UTP4: variants seen among roughly 807,000 people sequenced by gnomAD.
UTP4 encodes the protein UTP4 small subunit processome component.
UTP4 carries 45 observed loss-of-function variants against 82.4 expected under a neutral mutation model. The ratio of observed to expected loss-of-function variants is 0.55; its 90% CI spans 0.43 to 0.70. The LOEUF is 0.70. UTP4 is among the 30% of genes least tolerant of loss of function. The pLI, the probability that UTP4 is intolerant of heterozygous loss-of-function variation, is 0.00. For synonymous variants in UTP4, 348 were observed against 300.3 expected (o/e 1.16, Z -1.64); for missense variants, 819 against 858.3 (o/e 0.95, Z 0.57).
In UTP4 at chr16:69,141,171, C is replaced by T. The variant is rs77725086; in HGVS notation, c.526+1257C>T. 7.6e-3 allele frequency among the ~76,000 whole-genome samples: 1,164 copies of T among 152,276 alleles called. 17 individuals are homozygous for T. Among genetic ancestry groups the T allele is most frequent in the African/African-American group, 0.025 (1,047 of 41,542 alleles). On this transcript the variant is annotated intron_variant, in intron 5 of 16. Coordinates refer to ENST00000314423, the MANE Select transcript of UTP4 (RefSeq NM_032830.3). ...TAAGTCCCTCCCGGTGCCTTCTGAC[C>T]CACTCCCATCTGGCTTAGCCACTCT...
intron 7 of UTP4, 28 bp downstream of exon 7, chr16:69,150,736 G>C (rs1228769192): frequency 6.2e-7 from 1 of 1,614,138 alleles, no homozygotes; most frequent in African/African-American, 1.3e-5. Flanking sequence ...TGAGGCTGCT[G>C]CTTTACCCTG....
At chr16:69,146,710 A>G (rs1963117755) in intron 6 of UTP4, among the ~76,000 whole-genome samples, 1 of 149,676 alleles carries the variant, frequency 6.7e-6, no homozygotes, top group African/African-American at 2.5e-5. Flanking sequence ...AAAATACAAA[A>G]ATTAAGCCGG....
intron 6 of UTP4, among the ~76,000 whole-genome samples, chr16:69,145,363 C>T (rs999643550): frequency 2.6e-4 from 40 of 151,868 alleles, no homozygotes; most frequent in African/African-American, 9.6e-4. Context: ...TGGGTTCAAG[C>T]GATTCTCCTG....
chr16:69,152,260 A>G (rs1047266340), intron 8 of UTP4, among the ~76,000 whole-genome samples: 1 of 150,852 alleles, frequency 6.6e-6, no homozygotes, highest in Non-Finnish European at 1.5e-5. Flanking sequence ...ATTCTAGCCT[A>G]TTCTTCATTG....
chr16:69,156,997 AAT>A (rs1276987472), intron 11 of UTP4, 85 bp from the exon 12 acceptor site: 25 of 1,403,726 alleles, frequency 1.8e-5, no homozygotes, highest in Non-Finnish European at 1.7e-5. Flanking sequence ...AGGAAGCATT[AAT>A]GTACCTTAAG....
intron 11 of UTP4, 128 bp downstream of exon 11, chr16:69,156,121 G>A (rs974759172): frequency 1.1e-6 from 1 of 939,518 alleles, no homozygotes; most frequent in African/African-American, 1.7e-5. Flanking sequence ...TTTGGAGAAG[G>A]CTGTTATGAA....
chr16:69,146,192 T>TA (rs373053170), intron 6 of UTP4, among the ~76,000 whole-genome samples: 23 of 152,238 alleles, frequency 1.5e-4, no homozygotes, highest in Admixed American at 7.9e-4. Flanking sequence ...TAAACTATTT[T>TA]AAAAGTGTAC....
At chr16:69,161,899 C>T (rs554670548) in intron 13 of UTP4, among the ~76,000 whole-genome samples, 3 of 151,720 alleles carry the variant, frequency 2.0e-5, no homozygotes, top group African/African-American at 7.3e-5. Flanking sequence ...TGGACTCAAG[C>T]GTTCCTCCCG....
At chr16:69,159,258 C>T (rs1388035306) in intron 12 of UTP4, among the ~76,000 whole-genome samples, 1 of 151,726 alleles carries the variant, frequency 6.6e-6, no homozygotes, top group African/African-American at 2.4e-5. Flanking sequence ...TTTTTGTACT[C>T]TTAGTAGAGA....
intron 1 of UTP4, chr16:69,133,029 A>G (rs1962681533): frequency 3.7e-6 from 1 of 272,946 alleles, no homozygotes; most frequent in African/African-American, 2.3e-5. Context: ...GACAGACGTC[A>G]GACCAGGCAG....
At chr16:69,165,068 G>A (rs1051210064) in intron 14 of UTP4, among the ~76,000 whole-genome samples, 6 of 152,094 alleles carry the variant, frequency 3.9e-5, no homozygotes, top group Admixed American at 2.6e-4. Context: ...ACTCGTGGGC[G>A]CCTATAGTCC....
chr16:69,154,236 T>A (rs980619377), intron 9 of UTP4, among the ~76,000 whole-genome samples, 157 bp from the exon 10 acceptor site: 1 of 152,244 alleles, frequency 6.6e-6, no homozygotes, highest in Non-Finnish European at 1.5e-5. Flanking sequence ...TCTCTTCATA[T>A]ACCCCTCAAA....
chr16:69,133,711 GTGACTTCC>G (rs1962722891), intron 2 of UTP4, 93 bp downstream of exon 2: 1 of 1,329,646 alleles, frequency 7.5e-7, no homozygotes, highest in Non-Finnish European at 1.1e-6. Flanking sequence ...AACTGATTGA[GTGACTTCC>G]TAGCCCCTCT....
intron 14 of UTP4, among the ~76,000 whole-genome samples, chr16:69,163,681 C>CT (rs939399116): frequency 3.7e-5 from 5 of 136,124 alleles, no homozygotes; most frequent in African/African-American, 8.6e-5. Flanking sequence ...ATAAGGAGAT[C>CT]TTTAAAAAAA....
At chr16:69,165,757 A>C (rs1277121474) in intron 15 of UTP4, 1 of 609,732 alleles carries the variant, frequency 1.6e-6, no homozygotes, top group African/African-American at 1.8e-5. Context: ...GCCTTTGTAT[A>C]CTGGCTTTTG....
At chr16:69,142,025 T>C (rs1962972578) in intron 5 of UTP4, 1 of 139,346 alleles carries the variant, frequency 7.2e-6, no homozygotes, top group Admixed American at 7.8e-5. Context: ...AGGCTATTAA[T>C]AATTGTCAAG....
chr16:69,165,416 C>G lies in UTP4; in HGVS notation c.1723C>G (p.Leu575Val). ...TGTCCAGAAGCAGGGCTTTCACCAC[C>G]TTTGGCTCCAAAGGGATACTCCTAT... ...RTVQKQGFHHLWLQRDTPITH... is the reference protein window; with the variant it reads ...RTVQKQGFHHVWLQRDTPITH... The change falls in exon 15 of 17, where the codon CTT (leucine) becomes GTT (valine). Residue 575 changes from leucine (L) to valine (V), a missense_variant. Physicochemically the swap from Leu to Val is conservative, Grantham distance 32 (BLOSUM62 1). Coordinates refer to ENST00000314423, the MANE Select transcript of UTP4 (RefSeq NM_032830.3). The G allele has an allele frequency of 6.2e-7, 1 of 1,614,080 alleles. No individual in the cohort carries two copies. Among genetic ancestry groups the G allele is most frequent in the Middle Eastern group, 1.6e-4 (1 of 6,062 alleles).
chr16:69,166,826 C>T lies in UTP4; in HGVS notation c.1834-249C>T, dbSNP rs1963714189. On this transcript the variant is annotated intron_variant, in intron 15 of 16. Transcript: ENST00000314423. ...CTTTGCCTCATACACCCACCCTCTACAGTGTGGCTGCAAGAGTAGCTTCAG... is the reference window on the plus strand; with the variant it reads ...CTTTGCCTCATACACCCACCCTCTATAGTGTGGCTGCAAGAGTAGCTTCAG... 7 of 523,860 alleles carry T rather than the reference C, an allele frequency of 1.3e-5. No individual in the cohort carries two copies. The South Asian group carries it at 1.5e-4, about 11-fold the overall frequency. 32.5% of individuals were successfully genotyped at this position (523,860 alleles called of 1,614,324 possible). A position where few individuals can be genotyped will look rare whatever the true frequency, so the allele number is the denominator to read the frequency against.
Position 69,133,383 on chromosome 16 carries a change from A to T in UTP4, c.-2-75A>T. The stretch of plus-strand genomic sequence containing the variant: ...GGAGCCTTCCAGCCAGAACAGTGAT[A>T]TTAAGGAACTGAATACTATATGTGA... On this transcript the variant is annotated intron_variant, in intron 1 of 16. Coordinates refer to ENST00000314423, the MANE Select transcript of UTP4 (RefSeq NM_032830.3). 7 of 1,431,662 alleles carry T rather than the reference A, an allele frequency of 4.9e-6. No homozygotes were observed. In the South Asian group the frequency reaches 8.1e-5, roughly 17 times the overall value. The allele number at this position is 1,431,662 out of a possible 1,614,324, so 88.7% of individuals were successfully genotyped here.
Sources: allele counts gnomAD v4.1 joint callset (sites outside exome capture counted in the v4.1 genomes callset), GRCh38; gene constraint gnomAD v4.1.1; transcripts MANE v1.5; gene names NCBI Gene and HGNC (gene_info 2026-07-23, HGNC 2026-07-21).